CBX7: variants seen among roughly 807,000 people sequenced by gnomAD.
CBX7 encodes the protein chromobox 7.
CBX7 carries 14 observed loss-of-function variants against 31.4 expected under a neutral mutation model. That is an observed-to-expected ratio of 0.45 (90% CI 0.29 to 0.70). The LOEUF (loss-of-function observed/expected upper bound fraction) is 0.70. Ranked by LOEUF, CBX7 falls within the 30% of genes least tolerant of loss-of-function variation. CBX7 has a pLI of 0.11. For missense variants in CBX7, 269 were observed against 351.9 expected, an observed-to-expected ratio of 0.76 and a Z score of 1.89; for synonymous variants, 159 against 152.6, an observed-to-expected ratio of 1.04 and a Z score of -0.31.
At chr22:39,144,871 G>A (rs1930587062) in intron 2 of CBX7, among the ~76,000 whole-genome samples, 1 of 152,254 alleles carries the variant, frequency 6.6e-6, no homozygotes, top group East Asian at 1.9e-4. Flanking sequence ...CGCTGGCGAG[G>A]TAGGTGCTTA....
intron 4 of CBX7, 129 bp downstream of exon 4, chr22:39,138,507 C>T (rs1003563088): frequency 3.4e-5 from 29 of 860,486 alleles, no homozygotes; most frequent in African/African-American, 5.0e-5. Flanking sequence ...CCCCACCCCA[C>T]AGTGCCCTGG....
Position 39,138,312 on chromosome 22 carries a change from C to T in CBX7, c.246+324G>A, listed in dbSNP as rs183031412. On this transcript the variant is annotated intron_variant, in intron 4 of 5. Transcript: ENST00000216133. ...TTTTGTGTTTAGGGATTCTGAGCAT[C>T]GAAAGGCTCAAAGCTTTCAGGGCTT... Among the ~76,000 whole-genome samples the T allele has an allele frequency of 2.6e-3, 400 of 152,176 alleles. 5 individuals carry two copies. The highest frequency in any genetic ancestry group is 9.1e-3 in the African/African-American group (379 of 41,488).
At position 39,134,491 on chromosome 22, in the gene CBX7, G is replaced by A. The variant is rs567409810; in HGVS notation, c.508C>T (p.Arg170Trp). 5 of 1,611,168 alleles carry A rather than the reference G, an allele frequency of 3.1e-6. No homozygotes were observed. The highest frequency in any genetic ancestry group is 2.5e-6 in the Non-Finnish European group (3 of 1,179,858). Residue 170 changes from arginine to tryptophan, a missense_variant, in exon 5 of 6, where the codon CGG (arginine) becomes TGG (tryptophan). Physicochemically the swap from Arg to Trp is moderately radical, Grantham distance 101 (BLOSUM62 -3). Coordinates refer to ENST00000216133, the MANE Select transcript of CBX7 (RefSeq NM_175709.5). ...GGTGGCTCCTGCAGGAAGAGCTCCC[G>A]TCGATGGCTGTGGCTCTCCAGGTTG... ...GPNLESHSHR[R>W]ELFLQEPPAP... is the part of the protein sequence containing the mutation.
Position 39,134,674 on chromosome 22 carries a change from G to T in CBX7, c.325C>A (p.Leu109Ile), listed in dbSNP as rs1432516759. The change falls in exon 5 of 6, where the codon CTC becomes ATC. Residue 109 changes from leucine (L) to isoleucine (I), a missense_variant. Leu to Ile is a conservative substitution (Grantham distance 5). Transcript: ENST00000216133. ...ACCCCCTCAGGGCTCCCGCTGCCGAGTGGGCACGTCAGGGAGAAGCAGAGC... is the reference window on the plus strand; with the variant it reads ...ACCCCCTCAGGGCTCCCGCTGCCGATTGGGCACGTCAGGGAGAAGCAGAGC... Reference protein sequence around the residue: ...EKLCFSLTCPLGSGSPEGVVK... With the variant: ...EKLCFSLTCPIGSGSPEGVVK... The T allele has an allele frequency of 6.3e-7, 1 of 1,587,090 alleles. No individual in the cohort carries two copies. Among genetic ancestry groups the T allele is most frequent in the Non-Finnish European group, 8.6e-7 (1 of 1,166,254 alleles).
chr22:39,131,203 G>A lies in CBX7; in HGVS notation c.*2688C>T, dbSNP rs979746509. 6 of 152,720 alleles carry A rather than the reference G, an allele frequency of 3.9e-5. No individual in the cohort carries two copies. In the East Asian group the frequency reaches 9.6e-4, roughly 25 times the overall value. The allele number at this position is 152,720 out of a possible 1,614,324, so 9.5% of individuals were successfully genotyped here. On this transcript the variant is annotated 3_prime_UTR_variant, in exon 6 of 6. Coordinates refer to ENST00000216133, the MANE Select transcript of CBX7 (RefSeq NM_175709.5). ...TGACAGTCCTGCATTCCAGGCGGCT[G>A]TGCCAGGGGTGGGGGTACCTCCTCC...
chr22:39,138,766 C>T (rs1930344894), intron 3 of CBX7, 64 bp from the exon 4 acceptor site: 1 of 1,492,812 alleles, frequency 6.7e-7, no homozygotes, highest in Non-Finnish European at 9.3e-7. Context: ...GAAGGGAAGG[C>T]ATCCGCTTCG....
intron 1 of CBX7, among the ~76,000 whole-genome samples, chr22:39,151,586 G>T (rs1052168645): frequency 6.6e-6 from 1 of 152,216 alleles, no homozygotes; most frequent in Non-Finnish European, 1.5e-5. Flanking sequence ...AAGGACAGTA[G>T]TGCGTACCAG....
intron 5 of CBX7, 97 bp downstream of exon 5, chr22:39,134,304 A>T (rs1287280101): frequency 9.1e-7 from 1 of 1,096,526 alleles, no homozygotes; most frequent in Non-Finnish European, 1.3e-6. Flanking sequence ...GGCCCCACAA[A>T]GCACTACAGG....
intron 2 of CBX7, among the ~76,000 whole-genome samples, chr22:39,144,506 C>G (rs998695829): frequency 6.6e-6 from 1 of 152,206 alleles, no homozygotes; most frequent in Non-Finnish European, 1.5e-5. Context: ...CGCAAAGTGG[C>G]CCGCTCAGGC....
chr22:39,139,158 G>A (rs767962140), intron 3 of CBX7, among the ~76,000 whole-genome samples: 28 of 152,230 alleles, frequency 1.8e-4, no homozygotes, highest in Non-Finnish European at 3.1e-4. Context: ...AGACTCCCCC[G>A]AATTTGGGAT....
At chr22:39,145,479 C>T (rs1223967734) in intron 2 of CBX7, among the ~76,000 whole-genome samples, 1 of 152,170 alleles carries the variant, frequency 6.6e-6, no homozygotes, top group Non-Finnish European at 1.5e-5. Context: ...GACACCCTTC[C>T]CACACCAGGG....
chr22:39,149,434 G>A, intron 2 of CBX7: 1 of 396,164 alleles, frequency 2.5e-6, no homozygotes, highest in Non-Finnish European at 4.7e-6. Context: ...AGCAGCTGGG[G>A]TCCCCTCCTC....
chr22:39,131,421 G>T lies in CBX7; in HGVS notation c.*2470C>A, dbSNP rs1001384098. On this transcript the variant is annotated 3_prime_UTR_variant, in exon 6 of 6. Coordinates refer to ENST00000216133, the MANE Select transcript of CBX7 (RefSeq NM_175709.5). ...TGCTCTACTGGGCCACTCTGGGCTG[G>T]AAGGAGGCCTGCACGGCCACAGCCG... The T allele has an allele frequency of 6.5e-6, 1 of 152,868 alleles. No individual in the cohort carries two copies. The highest frequency in any genetic ancestry group is 2.4e-5 in the African/African-American group (1 of 41,450). 9.5% of individuals were successfully genotyped at this position (152,868 alleles called of 1,614,324 possible).
intron 1 of CBX7, among the ~76,000 whole-genome samples, chr22:39,151,403 G>GGC: frequency 6.6e-6 from 1 of 152,314 alleles, no homozygotes; most frequent in South Asian, 2.1e-4. Flanking sequence ...AATCAGCCCA[G>GGC]TTGAGCTCCT....
rs745696575 is a variant in CBX7, at chr22:39,152,299, C to T, written c.69+77G>A. On this transcript the variant is annotated intron_variant, in intron 1 of 5. Transcript: ENST00000216133. This position sits in a 1 kb window ranked among gnomAD's most constrained non-coding sequence, Gnocchi z 4.9. ...CCCGCGCCCCGCTTTCCCCTTCAGCCCCAGCGTGGAGGGAGCGGTGCTGGG... is the reference window on the plus strand; with the variant it reads ...CCCGCGCCCCGCTTTCCCCTTCAGCTCCAGCGTGGAGGGAGCGGTGCTGGG... 19 of 992,486 alleles carry T rather than the reference C, an allele frequency of 1.9e-5. No homozygotes were observed. The highest frequency in any genetic ancestry group is 2.5e-5 in the Non-Finnish European group (19 of 762,092). The allele number at this position is 992,486 out of a possible 1,614,324, so 61.5% of individuals were successfully genotyped here. A position where few individuals can be genotyped will look rare whatever the true frequency, so the allele number is the denominator to read the frequency against.
intron 2 of CBX7, chr22:39,149,522 A>G: frequency 1.9e-6 from 1 of 529,314 alleles, no homozygotes; most frequent in African/African-American, 1.9e-5. Context: ...CAGGGAGGGG[A>G]GGAGGGAGAG....
Position 39,134,501 on chromosome 22 carries a change from G to T in CBX7, c.498C>A (p.His166Gln). The change falls in exon 5 of 6, where the codon CAC becomes CAA. Residue 166 changes from histidine to glutamine, a missense_variant. Transcript: ENST00000216133. ...FPPRGPNLESHSHRRELFLQE... is the reference protein window; with the variant it reads ...FPPRGPNLESQSHRRELFLQE... ...GCAGGAAGAGCTCCCGTCGATGGCTGTGGCTCTCCAGGTTGGGCCCGCGGG... is the reference window on the plus strand; with the variant it reads ...GCAGGAAGAGCTCCCGTCGATGGCTTTGGCTCTCCAGGTTGGGCCCGCGGG... 6.2e-7 allele frequency: 1 copy of T among 1,611,972 alleles called. No homozygotes were observed. The highest frequency in any genetic ancestry group is 8.5e-7 in the Non-Finnish European group (1 of 1,179,842).
chr22:39,152,304 C>A lies in CBX7; in HGVS notation c.69+72G>T, dbSNP rs956687321. ...GCCCCGCTTTCCCCTTCAGCCCCAG[C>A]GTGGAGGGAGCGGTGCTGGGGACGG... On this transcript the variant is annotated intron_variant, in intron 1 of 5. Transcript: ENST00000216133. The surrounding 1 kb of genome is among the most constrained non-coding windows in gnomAD (Gnocchi z 4.9). 3.9e-6 allele frequency: 4 copies of A among 1,029,606 alleles called. No individual in the cohort carries two copies. Among genetic ancestry groups the A allele is most frequent in the East Asian group, 3.6e-5 (1 of 27,904 alleles). The allele number at this position is 1,029,606 out of a possible 1,614,324, so 63.8% of individuals were successfully genotyped here. A position where few individuals can be genotyped will look rare whatever the true frequency, so the allele number is the denominator to read the frequency against.
intron 1 of CBX7, among the ~76,000 whole-genome samples, chr22:39,151,148 T>C (rs2146375505): frequency 6.6e-6 from 1 of 152,362 alleles, no homozygotes; most frequent in East Asian, 1.9e-4. Context: ...AGGGAGTTAG[T>C]GCTGTGCCTG....
Sources: gnomAD v4.1 joint callset for allele counts (sites outside exome capture counted in the v4.1 genomes callset) on GRCh38, gnomAD v4.1.1 for gene constraint, Gnocchi (gnomAD v3.1) non-coding constraint, MANE v1.5 for transcripts, NCBI Gene and HGNC (gene_info 2026-07-23, HGNC 2026-07-21) for gene names.